The following TNRC18 variants were observed in gnomAD, a reference collection of about 807,000 sequenced individuals.
TNRC18 encodes trinucleotide repeat containing 18.
A neutral mutation model predicts 226.7 loss-of-function variants in TNRC18; 69 were observed. That is an observed-to-expected ratio of 0.30 (90% CI 0.25 to 0.37). The LOEUF (loss-of-function observed/expected upper bound fraction) is 0.37. Ranked by LOEUF, TNRC18 falls within the 10% of genes least tolerant of loss-of-function variation. The pLI, the probability that TNRC18 is intolerant of heterozygous loss-of-function variation, is 1.00. For synonymous variants in TNRC18, 2,449 were observed against 1,927.6 expected, an observed-to-expected ratio of 1.27 and a Z score of -7.09; for missense variants, 4,754 against 4,256.6, an observed-to-expected ratio of 1.12 and a Z score of -3.25.
At position 5,332,652 on chromosome 7, in the gene TNRC18, C is replaced by A; in HGVS notation, c.6117G>T (p.Gly2039=). ...GGPLSPRKDA[G]RAKDRKDPRK... ...TGGGGTCCTTCCTGTCCTTTGCACGCCCGGCGTCCTTGCGCGGGCTCAGGG... is the reference window on the plus strand; with the variant it reads ...TGGGGTCCTTCCTGTCCTTTGCACGACCGGCGTCCTTGCGCGGGCTCAGGG... Residue 2039 remains glycine (G), a synonymous_variant, in exon 19 of 30, where the codon GGG becomes GGT. Coordinates refer to ENST00000430969, the MANE Select transcript of TNRC18 (RefSeq NM_001080495.3). 6.5e-7 allele frequency: 1 copy of A among 1,532,580 alleles called. No individual in the cohort carries two copies. The highest frequency in any genetic ancestry group is 8.8e-7 in the Non-Finnish European group (1 of 1,141,722). 94.9% of individuals were successfully genotyped at this position (1,532,580 alleles called of 1,614,324 possible). A position where few individuals can be genotyped will look rare whatever the true frequency, so the allele number is the denominator to read the frequency against.
intron 18 of TNRC18, among the ~76,000 whole-genome samples, chr7:5,344,177 G>A (rs1354498522): frequency 2.6e-5 from 4 of 152,238 alleles, no homozygotes; most frequent in African/African-American, 9.6e-5. Flanking sequence ...AAATGTCTGA[G>A]AGTACTAGCC....
In TNRC18 at chr7:5,388,409, G is replaced by A. The variant is rs906462478; in HGVS notation, c.1415C>T (p.Pro472Leu). 8 of 1,495,784 alleles carry A rather than the reference G, an allele frequency of 5.3e-6. No homozygotes were observed. The highest frequency in any genetic ancestry group is 1.5e-5 in the African/African-American group (1 of 68,418). 92.7% of individuals were successfully genotyped at this position (1,495,784 alleles called of 1,614,324 possible). Reference protein sequence around the residue: ...AKELLKPEADPRPCERAPRGP... With the variant: ...AKELLKPEADLRPCERAPRGP... Reference sequence around the variant, plus strand: ...GCGGGGCGCACGCTCGCAGGGCCTCGGGTCCGCCTCGGGCTTGAGCAGCTC... The same window carrying A: ...GCGGGGCGCACGCTCGCAGGGCCTCAGGTCCGCCTCGGGCTTGAGCAGCTC... The change falls in exon 5 of 30, where the codon CCG becomes CTG. Residue 472 changes from proline (P) to leucine (L), a missense_variant. Coordinates refer to ENST00000430969, the MANE Select transcript of TNRC18 (RefSeq NM_001080495.3).
At chr7:5,369,870 A>G (rs1474547309) in intron 11 of TNRC18, among the ~76,000 whole-genome samples, 1 of 152,208 alleles carries the variant, frequency 6.6e-6, no homozygotes, top group African/African-American at 2.4e-5. Context: ...CAGTGCAAAC[A>G]CACTTAACAT....
In TNRC18 at chr7:5,374,051, C is replaced by A; in HGVS notation, c.3229+4G>T. On this transcript the variant is annotated splice_donor_region_variant and intron_variant, in intron 10 of 29. Transcript: ENST00000430969. ...AGACCCTGAGGGTCTCAGCTGCATC[C>A]TACCTGAGAACAGGGCCTGGAAGGG... 3.2e-6 allele frequency: 5 copies of A among 1,551,256 alleles called. No homozygotes were observed. The highest frequency in any genetic ancestry group is 4.3e-6 in the Non-Finnish European group (5 of 1,154,606).
intron 16 of TNRC18, among the ~76,000 whole-genome samples, chr7:5,353,127 G>A (rs1792002852): frequency 6.6e-6 from 1 of 152,180 alleles, no homozygotes; most frequent in Admixed American, 6.5e-5. Context: ...ACCAGCCCCT[G>A]CCCATCGAAC....
chr7:5,386,471 G>T (rs1386641204), intron 5 of TNRC18, among the ~76,000 whole-genome samples: 1 of 151,862 alleles, frequency 6.6e-6, no homozygotes, highest in Non-Finnish European at 1.5e-5. Flanking sequence ...CAGCTACTGG[G>T]GAGACTGAGG....
At chr7:5,385,494 C>CAAAAAAAAAAA (rs60919833) in intron 5 of TNRC18, among the ~76,000 whole-genome samples, 3 of 88,090 alleles carry the variant, frequency 3.4e-5, no homozygotes, top group Non-Finnish European at 4.8e-5. Context: ...GACTCCGTCT[C>CAAAAAAAAAAA]AAAAAAAAAA....
intron 2 of TNRC18, among the ~76,000 whole-genome samples, chr7:5,413,092 G>A (rs1781944256): frequency 2.0e-5 from 3 of 152,148 alleles, no homozygotes; most frequent in South Asian, 2.1e-4. Flanking sequence ...GGGGAGGCCC[G>A]AGACCTGTGC....
intron 5 of TNRC18, among the ~76,000 whole-genome samples, chr7:5,383,852 G>A (rs1027533119): frequency 4.0e-5 from 6 of 151,802 alleles, no homozygotes; most frequent in African/African-American, 4.8e-5. Context: ...GAGCGCAGTG[G>A]TGCAATCATA....
chr7:5,318,886 C>A (rs139781002), intron 24 of TNRC18, among the ~76,000 whole-genome samples: 1 of 152,166 alleles, frequency 6.6e-6, no homozygotes. Flanking sequence ...TACAAACATA[C>A]AAGGATGTGA....
At chr7:5,323,083 T>A (rs1788537980) in intron 21 of TNRC18, among the ~76,000 whole-genome samples, 1 of 151,938 alleles carries the variant, frequency 6.6e-6, no homozygotes. Flanking sequence ...CCACTGGGGG[T>A]CTGCATGGCC....
At chr7:5,399,072 T>C (rs1171373407) in intron 2 of TNRC18, among the ~76,000 whole-genome samples, 1 of 152,134 alleles carries the variant, frequency 6.6e-6, no homozygotes, top group Non-Finnish European at 1.5e-5. Context: ...CTGCCTGGTC[T>C]CCTTCCATCT....
intron 4 of TNRC18, 170 bp downstream of exon 4, chr7:5,390,315 C>T: frequency 1.4e-6 from 1 of 710,248 alleles, no homozygotes; most frequent in Non-Finnish European, 2.3e-6. Context: ...CCTATGATCG[C>T]ACCACTGCAC....
intron 14 of TNRC18, among the ~76,000 whole-genome samples, chr7:5,359,890 A>G (rs777435663): frequency 6.6e-6 from 1 of 152,206 alleles, no homozygotes; most frequent in Non-Finnish European, 1.5e-5. Flanking sequence ...TGCCAAGAAC[A>G]AAGATCAGAA....
intron 18 of TNRC18, among the ~76,000 whole-genome samples, chr7:5,336,603 A>G (rs1281350616): frequency 6.6e-6 from 1 of 152,014 alleles, no homozygotes; most frequent in Non-Finnish European, 1.5e-5. Context: ...TTAGCCAGTC[A>G]TGGTGGCATG....
intron 18 of TNRC18, among the ~76,000 whole-genome samples, chr7:5,338,071 T>G (rs1471455530): frequency 1.3e-5 from 2 of 152,126 alleles, no homozygotes; most frequent in Non-Finnish European, 2.9e-5. Flanking sequence ...ATATAAAATA[T>G]GAGGTATGAT....
At chr7:5,401,755 T>C (rs1463067266) in intron 2 of TNRC18, among the ~76,000 whole-genome samples, 1 of 152,192 alleles carries the variant, frequency 6.6e-6, no homozygotes, top group Non-Finnish European at 1.5e-5. Context: ...TATTTTTTAT[T>C]CCTAGTCCTA....
chr7:5,308,340 G>A (rs530845541), intron 29 of TNRC18, 28 bp from the exon 30 acceptor site: 8 of 1,585,428 alleles, frequency 5.0e-6, no homozygotes, highest in Non-Finnish European at 6.0e-6. Context: ...TATCAGGATG[G>A]CAGGTGGGGG....
At chr7:5,340,213 C>T (rs1161324433) in intron 18 of TNRC18, among the ~76,000 whole-genome samples, 1 of 152,178 alleles carries the variant, frequency 6.6e-6, no homozygotes, top group Non-Finnish European at 1.5e-5. Flanking sequence ...ATCTAAAGTG[C>T]TCTGGTGAAC....
Sources: allele counts gnomAD v4.1 joint callset (sites outside exome capture counted in the v4.1 genomes callset), GRCh38; gene constraint gnomAD v4.1.1; transcripts MANE v1.5; gene names NCBI Gene and HGNC (gene_info 2026-07-23, HGNC 2026-07-21).